RC3H2: variants seen among roughly 807,000 people sequenced by gnomAD.
The protein encoded by RC3H2 is roquin-2.
Under a neutral mutation model 133.3 loss-of-function variants are expected in RC3H2, and 31 were observed. That is an observed-to-expected ratio of 0.23 (90% CI 0.17 to 0.31). The LOEUF (loss-of-function observed/expected upper bound fraction) is 0.31, where lower values mean the gene tolerates loss of function less well. Among genes scored for constraint, RC3H2 ranks in the 10% least tolerant of loss-of-function variants. The probability of loss-of-function intolerance (pLI) is 1.00; values close to 1 mark genes in which losing one functional copy is unlikely to be tolerated. For missense variants in RC3H2, 1,175 were observed against 1,437.2 expected, an observed-to-expected ratio of 0.82 and a Z score of 2.95; for synonymous variants, 517 against 502.2, an observed-to-expected ratio of 1.03 and a Z score of -0.40.
At chr9:122,861,100 TTTA>T (rs945513405) in intron 10 of RC3H2, among the ~76,000 whole-genome samples, 2 of 152,052 alleles carry the variant, frequency 1.3e-5, no homozygotes, top group African/African-American at 4.8e-5. Context: ...ACACCAACCT[TTTA>T]TTATTATTAT....
chr9:122,850,172 A>C (rs1829966166), intron 20 of RC3H2, among the ~76,000 whole-genome samples: 1 of 151,882 alleles, frequency 6.6e-6, no homozygotes, highest in African/African-American at 2.4e-5. Context: ...ATGGGGTTTC[A>C]CCATGTTGGC....
intron 1 of RC3H2, among the ~76,000 whole-genome samples, chr9:122,898,705 C>T (rs1472623287): frequency 1.4e-5 from 2 of 148,138 alleles, no homozygotes; most frequent in African/African-American, 5.0e-5. Flanking sequence ...GCCGAGATCA[C>T]GTCATCGCAC....
At chr9:122,867,401 G>A (rs1300956378) in intron 9 of RC3H2, among the ~76,000 whole-genome samples, 1 of 143,736 alleles carries the variant, frequency 7.0e-6, no homozygotes, top group East Asian at 2.0e-4. Context: ...CCGTCCGGGA[G>A]GGAGGTTGGG....
At chr9:122,870,413 CA>C (rs1192325454) in intron 9 of RC3H2, among the ~76,000 whole-genome samples, 4 of 37,822 alleles carry the variant, frequency 1.1e-4, no homozygotes, top group African/African-American at 3.3e-4. Context: ...AACAAACAAA[CA>C]AAAAAAAAAC....
chr9:122,847,348 G>T lies in RC3H2; in HGVS notation c.*2279C>A, dbSNP rs1316322824. On this transcript the variant is annotated 3_prime_UTR_variant, in exon 21 of 21. Coordinates refer to ENST00000357244, the MANE Select transcript of RC3H2 (RefSeq NM_001100588.3). Reference sequence around the variant, plus strand: ...ATGTTTTGTGTAGTTCTGTTGCACAGAGGGTTCTTTCCCTGAGGGCACATA... The same window carrying T: ...ATGTTTTGTGTAGTTCTGTTGCACATAGGGTTCTTTCCCTGAGGGCACATA... The T allele has an allele frequency of 6.6e-6, 1 of 152,108 alleles. No individual in the cohort carries two copies. The highest frequency in any genetic ancestry group is 1.5e-5 in the Non-Finnish European group (1 of 67,982). 9.4% of individuals were successfully genotyped at this position (152,108 alleles called of 1,614,324 possible).
chr9:122,869,290 C>G (rs1408245992), intron 9 of RC3H2, among the ~76,000 whole-genome samples: 1 of 151,910 alleles, frequency 6.6e-6, no homozygotes, highest in Non-Finnish European at 1.5e-5. Context: ...TTATATATGC[C>G]TAAAGTAATG....
chr9:122,857,556 C>T (rs995460724), intron 13 of RC3H2, among the ~76,000 whole-genome samples: 2 of 152,142 alleles, frequency 1.3e-5, no homozygotes, highest in Non-Finnish European at 2.9e-5. Flanking sequence ...ATGGAAAATA[C>T]CTGCCCCCTA....
At chr9:122,902,863 A>AG (rs1832708888) in intron 1 of RC3H2, among the ~76,000 whole-genome samples, 1 of 152,052 alleles carries the variant, frequency 6.6e-6, no homozygotes, top group Non-Finnish European at 1.5e-5. Context: ...AAAAAAAAAA[A>AG]AAAGTTAAAA....
chr9:122,860,029 G>A lies in RC3H2; in HGVS notation c.1737C>T (p.Ser579=), dbSNP rs772333798. 4.3e-6 allele frequency: 7 copies of A among 1,614,076 alleles called. No individual in the cohort carries two copies. The highest frequency in any genetic ancestry group is 5.9e-6 in the Non-Finnish European group (7 of 1,179,988). ...GTELNSVPQK[S]SPFLTRVPVY... ...CTGGTACTCTAGTTAGAAATGGGCTGGATTTTTGAGGCACAGAATTCAGCT... is the reference window on the plus strand; with the variant it reads ...CTGGTACTCTAGTTAGAAATGGGCTAGATTTTTGAGGCACAGAATTCAGCT... Residue 579 remains serine (S), a synonymous_variant, in exon 11 of 21, where the codon TCC becomes TCT. Transcript: ENST00000357244.
Position 122,865,480 on chromosome 9 carries a change from G to A in RC3H2, c.1503C>T (p.Asn501=). 2 of 1,614,148 alleles carry A rather than the reference G, an allele frequency of 1.2e-6. No homozygotes were observed. The highest frequency in any genetic ancestry group is 1.1e-5 in the South Asian group (1 of 91,080). ...TACGTGAGATTAGCTGGGAAACACT[G>A]TTTTCTGCATTTGAAATTCCGTTTG... ...PSTNGISNAE[N]SVSQLISRST... The change falls in exon 10 of 21, where the codon AAC becomes AAT. Residue 501 remains asparagine, a synonymous_variant. Coordinates refer to ENST00000357244, the MANE Select transcript of RC3H2 (RefSeq NM_001100588.3).
chr9:122,871,542 C>T (rs1831096177), intron 9 of RC3H2, among the ~76,000 whole-genome samples: 1 of 151,016 alleles, frequency 6.6e-6, no homozygotes, highest in African/African-American at 2.5e-5. Flanking sequence ...CCAGGATAGT[C>T]CCGATCTCCT....
intron 9 of RC3H2, among the ~76,000 whole-genome samples, chr9:122,876,420 G>A (rs1346622462): frequency 2.0e-5 from 3 of 152,144 alleles, no homozygotes; most frequent in Non-Finnish European, 4.4e-5. Flanking sequence ...TTGAGGTCAG[G>A]AGTTTGAGAC....
At chr9:122,851,262 A>G (rs1326419381) in intron 19 of RC3H2, 33 bp from the exon 20 acceptor site, 3 of 1,612,170 alleles carry the variant, frequency 1.9e-6, no homozygotes, top group South Asian at 2.2e-5. Context: ...CTTCAGTATG[A>G]AAGTATTTTA....
chr9:122,866,834 G>A (rs1830701097), intron 9 of RC3H2, among the ~76,000 whole-genome samples: 1 of 151,918 alleles, frequency 6.6e-6, no homozygotes, highest in Non-Finnish European at 1.5e-5. Context: ...CACCCCGTCT[G>A]GGAAGTGAGG....
At chr9:122,857,659 TCA>T (rs1353196715) in intron 13 of RC3H2, among the ~76,000 whole-genome samples, 1 of 152,148 alleles carries the variant, frequency 6.6e-6, no homozygotes, top group Non-Finnish European at 1.5e-5. Flanking sequence ...TAGATATAAA[TCA>T]CACTATTAAT....
At chr9:122,874,348 T>C (rs1727399330) in intron 9 of RC3H2, 1 of 151,726 alleles carries the variant, frequency 6.6e-6, no homozygotes, top group Non-Finnish European at 1.5e-5. Flanking sequence ...AAGAAAATAG[T>C]GGAAATGGAA....
Position 122,905,355 on chromosome 9 carries a change from G to T in RC3H2, c.-313C>A. On this transcript the variant is annotated 5_prime_UTR_variant, in exon 1 of 21. Transcript: ENST00000357244. ...TCCTCACCACGGAGGCGGACCTGGA[G>T]GGATCCCGATCTAGCTCTCGCGAGA... is the stretch of plus-strand genomic sequence containing the variant. 1.1e-6 allele frequency: 1 copy of T among 934,076 alleles called. No homozygotes were observed. The highest frequency in any genetic ancestry group is 1.3e-6 in the Non-Finnish European group (1 of 783,056). 57.9% of individuals were successfully genotyped at this position (934,076 alleles called of 1,614,324 possible).
intron 4 of RC3H2, among the ~76,000 whole-genome samples, chr9:122,887,513 T>C (rs1340397251): frequency 6.6e-6 from 1 of 152,066 alleles, no homozygotes; most frequent in Non-Finnish European, 1.5e-5. Context: ...TACCCTAGAC[T>C]GGAGTAAGGC....
At chr9:122,854,303 A>G (rs1280354683) in intron 16 of RC3H2, 37 bp from the exon 17 acceptor site, 1 of 1,528,400 alleles carries the variant, frequency 6.5e-7, no homozygotes, top group Non-Finnish European at 9.0e-7. Flanking sequence ...ATAAAAGTGA[A>G]GTGAATGAAG....
Sources: allele counts gnomAD v4.1 joint callset (sites outside exome capture counted in the v4.1 genomes callset), GRCh38; gene constraint gnomAD v4.1.1; transcripts MANE v1.5; gene names NCBI Gene and HGNC (gene_info 2026-07-23, HGNC 2026-07-21).